Variants in AGAP1 observed in about 807,000 individuals in gnomAD.
The protein encoded by AGAP1 is ArfGAP with GTPase domain, ankyrin repeat and PH domain 1.
AGAP1 carries 29 observed loss-of-function variants against 105.3 expected under a neutral mutation model. That is an observed-to-expected ratio of 0.28 (90% CI 0.21 to 0.38). The LOEUF (loss-of-function observed/expected upper bound fraction) is 0.38. Ranked by LOEUF, AGAP1 falls within the 10% of genes least tolerant of loss-of-function variation. The pLI is 1.00. For synonymous variants in AGAP1, 509 were observed against 485.9 expected, an observed-to-expected ratio of 1.05 and a Z score of -0.63; for missense variants, 998 against 1,165.1, an observed-to-expected ratio of 0.86 and a Z score of 2.09.
At chr2:235,676,308 T>C (rs1340077435) in intron 1 of AGAP1, among the ~76,000 whole-genome samples, 1 of 152,212 alleles carries the variant, frequency 6.6e-6, no homozygotes, top group African/African-American at 2.4e-5. Context: ...AACTAGTGAG[T>C]CCTTCCTGGG....
intron 1 of AGAP1, among the ~76,000 whole-genome samples, chr2:235,527,551 T>G (rs1210848579): frequency 6.6e-6 from 1 of 152,134 alleles, no homozygotes; most frequent in Non-Finnish European, 1.5e-5. Flanking sequence ...TTATTTTATT[T>G]TATTTTTTGC....
At chr2:236,007,656 A>T (rs915388240) in intron 13 of AGAP1, among the ~76,000 whole-genome samples, 3 of 152,246 alleles carry the variant, frequency 2.0e-5, no homozygotes, top group African/African-American at 7.2e-5. Flanking sequence ...AAAAAGAACC[A>T]AAGGGCCTGC....
rs903311080 is a variant in AGAP1, at chr2:235,953,049, G to A, written c.1484-15413G>A. 6.6e-6 allele frequency among the ~76,000 whole-genome samples: 1 copy of A among 152,188 alleles called. No individual in the cohort carries two copies. Among genetic ancestry groups the A allele is most frequent in the Non-Finnish European group, 1.5e-5 (1 of 68,036 alleles). Reference sequence around the variant, plus strand: ...TTCTGTACGAGGCACCTGACACCACGATGCTATCACCATCCTCGCTGACTG... The same window carrying A: ...TTCTGTACGAGGCACCTGACACCACAATGCTATCACCATCCTCGCTGACTG... On this transcript the variant is annotated intron_variant, in intron 12 of 17. Coordinates refer to ENST00000304032, the MANE Select transcript of AGAP1 (RefSeq NM_001037131.3). This position sits in a 1 kb window ranked among gnomAD's most constrained non-coding sequence, Gnocchi z 5.2.
chr2:235,878,304 C>T (rs1275855243), intron 9 of AGAP1, among the ~76,000 whole-genome samples: 1 of 152,186 alleles, frequency 6.6e-6, no homozygotes, highest in Non-Finnish European at 1.5e-5. Context: ...AGTATTTTAA[C>T]ATAAGAAGCC....
At position 236,124,245 on chromosome 2, in the gene AGAP1, T is replaced by G; in HGVS notation, c.*123T>G. ...TCCCTCTTCCTGGTGGCCACCTCCC[T>G]CCCGCCCACCCACTCTCACCCCAAA... On this transcript the variant is annotated 3_prime_UTR_variant, in exon 18 of 18. Coordinates refer to ENST00000304032, the MANE Select transcript of AGAP1 (RefSeq NM_001037131.3). The surrounding 1 kb of genome is among the most constrained non-coding windows in gnomAD (Gnocchi z 5.1). 9.3e-7 allele frequency: 1 copy of G among 1,080,480 alleles called. No homozygotes were observed. The highest frequency in any genetic ancestry group is 1.3e-6 in the Non-Finnish European group (1 of 751,578). The allele number at this position is 1,080,480 out of a possible 1,614,324, so 66.9% of individuals were successfully genotyped here. A position where few individuals can be genotyped will look rare whatever the true frequency, so the allele number is the denominator to read the frequency against.
chr2:235,738,814 T>A (rs559784967), intron 3 of AGAP1, among the ~76,000 whole-genome samples: 29 of 152,234 alleles, frequency 1.9e-4, no homozygotes, highest in Admixed American at 1.5e-3. Flanking sequence ...TGCCTCGGCC[T>A]CCCAAAGTGT....
chr2:236,014,890 C>CG lies in AGAP1; in HGVS notation c.1646-21670dup. ...GCACCAACACTGAAGGTAACGCCTC[C>CG]GCACCTCCACCCGCCCACACCTCCA... is the stretch of plus-strand genomic sequence containing the variant. On this transcript the variant is annotated intron_variant, in intron 13 of 17. Coordinates refer to ENST00000304032, the MANE Select transcript of AGAP1 (RefSeq NM_001037131.3). The surrounding 1 kb of genome is among the most constrained non-coding windows in gnomAD (Gnocchi z 6.3). 2.4e-6 allele frequency: 1 copy of CG among 411,440 alleles called. No homozygotes were observed. The highest frequency in any genetic ancestry group is 2.1e-5 in the African/African-American group (1 of 47,646). 25.5% of individuals were successfully genotyped at this position (411,440 alleles called of 1,614,324 possible).
intron 15 of AGAP1, among the ~76,000 whole-genome samples, chr2:236,043,225 T>C (rs867524713): frequency 6.6e-6 from 1 of 152,268 alleles, no homozygotes; most frequent in Middle Eastern, 3.4e-3. Context: ...ATAAAAAGCT[T>C]TTGAAGAGTG....
At position 235,690,878 on chromosome 2, in the gene AGAP1, G is replaced by T. The variant is rs187683673; in HGVS notation, c.164-18301G>T. ...TCAAAATCAATGTTTTATTTTCAGA[G>T]TTCTAAATCCAGCCATATAAATACT... On this transcript the variant is annotated intron_variant, in intron 1 of 17. Coordinates refer to ENST00000304032, the MANE Select transcript of AGAP1 (RefSeq NM_001037131.3). This position sits in a 1 kb window ranked among gnomAD's most constrained non-coding sequence, Gnocchi z 4.1. 9.1e-4 allele frequency among the ~76,000 whole-genome samples: 139 copies of T among 152,272 alleles called. No individual in the cohort carries two copies. Among genetic ancestry groups the T allele is most frequent in the Non-Finnish European group, 2.9e-4 (20 of 68,034 alleles).
chr2:236,024,030 TTTTG>T (rs1576092973), intron 13 of AGAP1, among the ~76,000 whole-genome samples: 2 of 112,910 alleles, frequency 1.8e-5, no homozygotes, highest in Non-Finnish European at 3.4e-5. Context: ...TGTTTTTTTT[TTTTG>T]TTTTTTTTTT....
Position 236,123,861 on chromosome 2 carries a change from G to GC in AGAP1, c.2371-53dup. 6.2e-7 allele frequency: 1 copy of GC among 1,600,056 alleles called. No individual in the cohort carries two copies. Among genetic ancestry groups the GC allele is most frequent in the South Asian group, 1.1e-5 (1 of 90,166 alleles). The stretch of plus-strand genomic sequence containing the variant: ...GCAAGGGCTGAGAGAAAGCTTCCCT[G>GC]CCCCCTCCCTCCATCACATCCCCCA... On this transcript the variant is annotated intron_variant, in intron 17 of 17. Transcript: ENST00000304032. The surrounding 1 kb of genome is among the most constrained non-coding windows in gnomAD (Gnocchi z 4.6).
At chr2:235,998,041 A>G (rs1002813933) in intron 13 of AGAP1, among the ~76,000 whole-genome samples, 1 of 152,200 alleles carries the variant, frequency 6.6e-6, no homozygotes, top group African/African-American at 2.4e-5. Flanking sequence ...AAATCATGTC[A>G]GTAAACTGAG....
chr2:235,941,680 G>A (rs570947035), intron 12 of AGAP1, among the ~76,000 whole-genome samples: 14 of 152,268 alleles, frequency 9.2e-5, no homozygotes, highest in Non-Finnish European at 1.8e-4. Flanking sequence ...TATAACTAGC[G>A]CTTTATCGTA....
chr2:235,867,238 C>A lies in AGAP1; in HGVS notation c.1051-16107C>A, dbSNP rs1232728770. 6.6e-6 allele frequency among the ~76,000 whole-genome samples: 1 copy of A among 152,204 alleles called. No homozygotes were observed. Among genetic ancestry groups the A allele is most frequent in the Non-Finnish European group, 1.5e-5 (1 of 68,026 alleles). ...TCCTGTAGCAGTCTTCTATAAAAGG[C>A]TGGAGAGGAGGTATGTTAGGCTTCA... On this transcript the variant is annotated intron_variant, in intron 9 of 17. Transcript: ENST00000304032. This position sits in a 1 kb window ranked among gnomAD's most constrained non-coding sequence, Gnocchi z 5.4.
chr2:236,060,888 C>T (rs919108389), intron 16 of AGAP1, among the ~76,000 whole-genome samples: 1 of 151,920 alleles, frequency 6.6e-6, no homozygotes, highest in Admixed American at 6.6e-5. Context: ...ATAGTGAGAC[C>T]CCACCTCTAC....
intron 13 of AGAP1, among the ~76,000 whole-genome samples, chr2:236,029,403 G>A (rs1275496575): frequency 6.6e-6 from 1 of 150,922 alleles, no homozygotes; most frequent in Non-Finnish European, 1.5e-5. Context: ...AGCCTCCTGA[G>A]TAGCTGGTAT....
chr2:235,883,482 T>C lies in AGAP1; in HGVS notation c.1155+33T>C. 1 of 1,565,900 alleles carries C rather than the reference T, an allele frequency of 6.4e-7. No homozygotes were observed. On this transcript the variant is annotated intron_variant, in intron 10 of 17. Transcript: ENST00000304032. This position sits in a 1 kb window ranked among gnomAD's most constrained non-coding sequence, Gnocchi z 4.5. ...TAGCCCCCTCGGAGCAATTAACAGC[T>C]GCAGACCTCAACTAAACACTGTGGG...
At position 235,963,729 on chromosome 2, in the gene AGAP1, T is replaced by C. The variant is rs1575904609; in HGVS notation, c.1484-4733T>C. Among the ~76,000 whole-genome samples, 1 of 152,138 alleles carries C rather than the reference T, an allele frequency of 6.6e-6. No individual in the cohort carries two copies. Among genetic ancestry groups the C allele is most frequent in the African/African-American group, 2.4e-5 (1 of 41,436 alleles). On this transcript the variant is annotated intron_variant, in intron 12 of 17. Transcript: ENST00000304032. The surrounding 1 kb of genome is among the most constrained non-coding windows in gnomAD (Gnocchi z 5.1). The stretch of plus-strand genomic sequence containing the variant: ...CCCTGTTCACCATCTTTTTCATTGA[T>C]GTGGATGGATATATGGGAGTATATG...
chr2:235,833,280 G>A (rs961999461), intron 9 of AGAP1, among the ~76,000 whole-genome samples: 13 of 152,236 alleles, frequency 8.5e-5, no homozygotes, highest in African/African-American at 2.2e-4. Flanking sequence ...GGGACCACAC[G>A]TGGCCAAATG....
Sources: gnomAD v4.1 joint callset for allele counts (sites outside exome capture counted in the v4.1 genomes callset) on GRCh38, gnomAD v4.1.1 for gene constraint, Gnocchi (gnomAD v3.1) non-coding constraint, MANE v1.5 for transcripts, NCBI Gene and HGNC (gene_info 2026-07-23, HGNC 2026-07-21) for gene names.